The following NAA11 variants were observed in gnomAD, a reference collection of about 807,000 sequenced individuals.
NAA11 encodes the protein N-alpha-acetyltransferase 11, NatA catalytic subunit.
Under a neutral mutation model 16.1 loss-of-function variants are expected in NAA11, and 15 were observed. The observed-to-expected ratio is 0.93, with a 90% CI of 0.62 to 1.44. The LOEUF (loss-of-function observed/expected upper bound fraction) is 1.44, where lower values mean the gene tolerates loss of function less well. Among genes scored for constraint, NAA11 ranks in the 40% most tolerant of loss-of-function variants. The pLI is 0.00. For synonymous variants in NAA11, 122 were observed against 112.4 expected, an observed-to-expected ratio of 1.09 and a Z score of -0.54; for missense variants, 298 against 291.3, an observed-to-expected ratio of 1.02 and a Z score of -0.17.
intron 2 of NAA11, among the ~76,000 whole-genome samples, chr4:79,240,744 A>G (rs1721673491): frequency 6.6e-6 from 1 of 152,204 alleles, no homozygotes; most frequent in South Asian, 2.1e-4. Context: ...GATCAATTCC[A>G]ATAATCAAGG....
intron 2 of NAA11, among the ~76,000 whole-genome samples, chr4:79,282,190 G>A (rs1460735755): frequency 6.6e-6 from 1 of 152,104 alleles, no homozygotes; most frequent in African/African-American, 2.4e-5. Context: ...TAAGGCAAAT[G>A]TGTCTGGGAT....
downstream of NAA11, among the ~76,000 whole-genome samples, chr4:79,222,161 G>A (rs1174039835): frequency 6.6e-5 from 10 of 152,120 alleles, no homozygotes; most frequent in East Asian, 1.9e-4. Context: ...GTTTATTTGC[G>A]TAGAGGTGTT....
At chr4:79,157,518 C>T in the NAA11 span, among the ~76,000 whole-genome samples, 2 of 150,602 alleles carry the variant, frequency 1.3e-5, no homozygotes, top group Non-Finnish European at 2.9e-5. Flanking sequence ...TGTATATATA[C>T]ATATATGTAT....
intron 1 of NAA11, among the ~76,000 whole-genome samples, chr4:79,309,238 T>C (rs1028218520): frequency 7.9e-5 from 12 of 152,184 alleles, no homozygotes; most frequent in Non-Finnish European, 1.5e-4. Context: ...TTGGAGATTA[T>C]TGCTCATTTA....
At chr4:79,303,073 CTTTT>C (rs1419637634) in intron 1 of NAA11, among the ~76,000 whole-genome samples, 1 of 67,968 alleles carries the variant, frequency 1.5e-5, no homozygotes, top group Admixed American at 1.7e-4. Context: ...CTCTTGAGGC[CTTTT>C]ATATATATAT....
chr4:79,256,896 C>T (rs1367269085), intron 2 of NAA11, among the ~76,000 whole-genome samples: 2 of 151,920 alleles, frequency 1.3e-5, no homozygotes, highest in East Asian at 3.9e-4. Flanking sequence ...GCTTTGGCCT[C>T]CCTAAGTGCT....
intron 2 of NAA11, among the ~76,000 whole-genome samples, chr4:79,293,661 A>C (rs1723142153): frequency 6.6e-6 from 1 of 152,224 alleles, no homozygotes; most frequent in Non-Finnish European, 1.5e-5. Context: ...CAACCCAGAA[A>C]ATATATAAAA....
chr4:79,282,566 T>A (rs1722818376), intron 2 of NAA11, among the ~76,000 whole-genome samples: 1 of 151,996 alleles, frequency 6.6e-6, no homozygotes. Flanking sequence ...CTAGATAGAT[T>A]GTGATATATT....
chr4:79,163,564 G>T, the NAA11 span, among the ~76,000 whole-genome samples: 1 of 152,176 alleles, frequency 6.6e-6, no homozygotes, highest in East Asian at 1.9e-4. Context: ...TCAGTGCTTG[G>T]GAATTTTAGT....
chr4:79,299,662 CTG>C (rs1234422710), intron 1 of NAA11: 8 of 151,996 alleles, frequency 5.3e-5, no homozygotes, highest in Non-Finnish European at 7.4e-5. Context: ...AAAATAAAAA[CTG>C]TTGGATAGAG....
the NAA11 span, among the ~76,000 whole-genome samples, chr4:79,214,559 G>A: frequency 1.3e-5 from 2 of 152,108 alleles, no homozygotes; most frequent in Non-Finnish European, 2.9e-5. Flanking sequence ...CAGCACTTTG[G>A]GAGGCCGAGG....
intron 2 of NAA11, among the ~76,000 whole-genome samples, chr4:79,243,489 C>T (rs982336735): frequency 6.6e-6 from 1 of 152,136 alleles, no homozygotes; most frequent in Non-Finnish European, 1.5e-5. Flanking sequence ...TGTTCTCTAC[C>T]CCTTCCCTCA....
At chr4:79,302,927 T>G (rs1052810108) in intron 1 of NAA11, among the ~76,000 whole-genome samples, 3 of 151,654 alleles carry the variant, frequency 2.0e-5, no homozygotes, top group African/African-American at 7.3e-5. Context: ...AGAAATAAAA[T>G]TCTATTTTGT....
At chr4:79,268,416 G>C (rs1722400107) in intron 2 of NAA11, among the ~76,000 whole-genome samples, 1 of 152,098 alleles carries the variant, frequency 6.6e-6, no homozygotes, top group Non-Finnish European at 1.5e-5. Context: ...ACTTGCCAAG[G>C]AGGCTAATGG....
At chr4:79,316,420 C>A (rs1723929280), downstream of NAA11, among the ~76,000 whole-genome samples, 1 of 152,092 alleles carries the variant, frequency 6.6e-6, no homozygotes, top group South Asian at 2.1e-4. Context: ...AATCATTTAC[C>A]ATTAGGCAGA....
the NAA11 span, among the ~76,000 whole-genome samples, chr4:79,189,610 A>G: frequency 6.6e-6 from 1 of 152,152 alleles, no homozygotes; most frequent in Non-Finnish European, 1.5e-5. Context: ...AGAGTCCCCA[A>G]GAAGGTATAG....
chr4:79,225,647 C>G (rs1360275185), downstream of NAA11: 1 of 152,042 alleles, frequency 6.6e-6, no homozygotes, highest in African/African-American at 2.4e-5. Context: ...TTATGTCTGC[C>G]ACTGAGCCAG....
At chr4:79,255,238 T>G (rs890096340) in intron 2 of NAA11, among the ~76,000 whole-genome samples, 19 of 152,160 alleles carry the variant, frequency 1.2e-4, no homozygotes, top group African/African-American at 4.6e-4. Context: ...AATACTTGCA[T>G]TGTTTTTAAT....
the NAA11 span, among the ~76,000 whole-genome samples, chr4:79,186,219 G>T: frequency 6.6e-6 from 1 of 152,126 alleles, no homozygotes; most frequent in Non-Finnish European, 1.5e-5. Context: ...CTTTTAAAAG[G>T]CTATGAATAT....
Sources: gnomAD v4.1 joint callset for allele counts (sites outside exome capture counted in the v4.1 genomes callset) on GRCh38, gnomAD v4.1.1 for gene constraint, MANE v1.5 for transcripts, NCBI Gene and HGNC (gene_info 2026-07-23, HGNC 2026-07-21) for gene names.